VWC2: variants seen among roughly 807,000 people sequenced by gnomAD.
The protein encoded by VWC2 is brorin.
VWC2 carries 14 observed loss-of-function variants against 29.8 expected under a neutral mutation model. The observed-to-expected ratio is 0.47, with a 90% CI of 0.31 to 0.74. VWC2 has a LOEUF of 0.74. Among genes scored for constraint, VWC2 ranks in the 30% least tolerant of loss-of-function variants. VWC2 has a pLI of 0.05. For missense variants in VWC2, 457 were observed against 459.8 expected, an observed-to-expected ratio of 0.99 and a Z score of 0.05; for synonymous variants, 213 against 199.0, an observed-to-expected ratio of 1.07 and a Z score of -0.59.
chr7:49,831,163 G>A (rs538402484), intron 3 of VWC2, among the ~76,000 whole-genome samples: 52 of 152,270 alleles, frequency 3.4e-4, no homozygotes, highest in African/African-American at 1.2e-3. Context: ...GTGGCTCCAA[G>A]TTGAGGGCGC....
intron 3 of VWC2, among the ~76,000 whole-genome samples, chr7:49,836,542 G>A (rs4916994): frequency 0.52 from 78,181 of 150,786 alleles, 20,952 homozygotes; most frequent in East Asian, 0.83. Flanking sequence ...CAGAGGCTGA[G>A]GCAGGAGAAT....
At chr7:49,888,004 A>G (rs1362109608) in intron 3 of VWC2, among the ~76,000 whole-genome samples, 1 of 152,224 alleles carries the variant, frequency 6.6e-6, no homozygotes, top group East Asian at 1.9e-4. Flanking sequence ...ACCACTTGGT[A>G]TCATGTATTT....
chr7:49,789,273 G>T (rs1554328130), intron 2 of VWC2, among the ~76,000 whole-genome samples: 1 of 130,352 alleles, frequency 7.7e-6, no homozygotes, highest in East Asian at 2.0e-4. Context: ...GTGTGAGCGG[G>T]TGTGTGTGAG....
At chr7:49,808,074 G>T in intron 3 of VWC2, among the ~76,000 whole-genome samples, 1 of 151,914 alleles carries the variant, frequency 6.6e-6, no homozygotes, top group African/African-American at 2.4e-5. Flanking sequence ...TTCCATGACA[G>T]GTCCTGTTCT....
At chr7:49,856,756 C>T (rs544874382) in intron 3 of VWC2, among the ~76,000 whole-genome samples, 3 of 152,120 alleles carry the variant, frequency 2.0e-5, no homozygotes, top group African/African-American at 7.2e-5. Context: ...GGTAAGAACA[C>T]GTAACATGAT....
At chr7:49,857,503 T>C (rs1371527103) in intron 3 of VWC2, among the ~76,000 whole-genome samples, 1 of 152,180 alleles carries the variant, frequency 6.6e-6, no homozygotes, top group East Asian at 1.9e-4. Context: ...GGAGTGTAGA[T>C]ATCTTCAAAG....
chr7:49,828,917 C>T (rs1000662792), intron 3 of VWC2, among the ~76,000 whole-genome samples: 2 of 152,166 alleles, frequency 1.3e-5, no homozygotes, highest in Non-Finnish European at 2.9e-5. Context: ...GCCCCACAGC[C>T]CACTGAAATG....
intron 3 of VWC2, among the ~76,000 whole-genome samples, chr7:49,898,108 C>CAT (rs757252224): frequency 5.3e-5 from 8 of 151,576 alleles, no homozygotes; most frequent in Non-Finnish European, 1.2e-4. Context: ...GTATGCTTTA[C>CAT]ATATATGTGT....
intron 3 of VWC2, among the ~76,000 whole-genome samples, chr7:49,891,762 C>T (rs1792138224): frequency 6.6e-6 from 1 of 152,172 alleles, no homozygotes; most frequent in Non-Finnish European, 1.5e-5. Context: ...TCTTCCATTC[C>T]TGTGATAGTT....
At chr7:49,887,629 T>G (rs1158878147) in intron 3 of VWC2, among the ~76,000 whole-genome samples, 1 of 152,212 alleles carries the variant, frequency 6.6e-6, no homozygotes, top group Non-Finnish European at 1.5e-5. Context: ...TGTACAGGAT[T>G]CAACACAACT....
intron 2 of VWC2, among the ~76,000 whole-genome samples, chr7:49,794,825 G>A (rs1788549031): frequency 6.6e-6 from 1 of 152,074 alleles, no homozygotes; most frequent in African/African-American, 2.4e-5. Flanking sequence ...TTGTCTATGT[G>A]GTCCTCTTCT....
At chr7:49,805,442 A>T (rs1788855360) in intron 3 of VWC2, among the ~76,000 whole-genome samples, 1 of 152,240 alleles carries the variant, frequency 6.6e-6, no homozygotes, top group Non-Finnish European at 1.5e-5. Context: ...ATAAATTTAA[A>T]TGTATCTAAT....
In VWC2 at chr7:49,916,428, A is replaced by C. The variant is rs577604971; in HGVS notation, c.*4243A>C. ...ATTAGCCATTTTCAATGTCCAGTTC[A>C]AGTGCCATTGCTGGTAAGGCTTCTG... On this transcript the variant is annotated 3_prime_UTR_variant, in exon 4 of 4. Transcript: ENST00000340652. 6 of 152,302 alleles carry C rather than the reference A, an allele frequency of 3.9e-5. No individual in the cohort carries two copies. The East Asian group carries it at 1.2e-3, about 29-fold the overall frequency. The allele number at this position is 152,302 out of a possible 1,614,324, so 9.4% of individuals were successfully genotyped here. A position where few individuals can be genotyped will look rare whatever the true frequency, so the allele number is the denominator to read the frequency against.
intron 3 of VWC2, among the ~76,000 whole-genome samples, chr7:49,877,642 G>A (rs1179548784): frequency 6.7e-6 from 1 of 148,432 alleles, no homozygotes; most frequent in Non-Finnish European, 1.5e-5. Flanking sequence ...TGATTTATCT[G>A]ATGATGATTT....
intron 3 of VWC2, among the ~76,000 whole-genome samples, chr7:49,803,846 T>G (rs1307082375): frequency 6.6e-6 from 1 of 152,182 alleles, no homozygotes; most frequent in Non-Finnish European, 1.5e-5. Context: ...ATGGGTACCT[T>G]CGACCACGTA....
At chr7:49,784,835 C>T (rs1788258419) in intron 2 of VWC2, among the ~76,000 whole-genome samples, 1 of 152,104 alleles carries the variant, frequency 6.6e-6, no homozygotes, top group Non-Finnish European at 1.5e-5. Context: ...TTCACCCAGG[C>T]TGCAAAAAAT....
chr7:49,777,229 G>A (rs1467318503), intron 2 of VWC2, among the ~76,000 whole-genome samples: 3 of 152,210 alleles, frequency 2.0e-5, no homozygotes, highest in Non-Finnish European at 4.4e-5. Context: ...GGAACGTGCA[G>A]CTACTAAAGC....
intron 3 of VWC2, among the ~76,000 whole-genome samples, chr7:49,840,917 C>T (rs1421789097): frequency 3.3e-5 from 5 of 152,138 alleles, no homozygotes; most frequent in Non-Finnish European, 5.9e-5. Context: ...AGCTGGTCAA[C>T]ACTATAGTGG....
intron 2 of VWC2, among the ~76,000 whole-genome samples, chr7:49,776,627 A>C (rs1788060277): frequency 6.6e-6 from 1 of 152,244 alleles, no homozygotes; most frequent in South Asian, 2.1e-4. Flanking sequence ...TAAAAGAAAA[A>C]GAAAATATTT....
Sources: gnomAD v4.1 joint callset for allele counts (sites outside exome capture counted in the v4.1 genomes callset) on GRCh38, gnomAD v4.1.1 for gene constraint, MANE v1.5 for transcripts, NCBI Gene and HGNC (gene_info 2026-07-23, HGNC 2026-07-21) for gene names.